The following RYR1 variants were observed in gnomAD, a reference collection of about 807,000 sequenced individuals.
RYR1 encodes ryanodine receptor 1.
RYR1 carries 342 observed loss-of-function variants against 583.5 expected under a neutral mutation model. The observed-to-expected ratio is 0.59, with a 90% confidence interval of 0.54 to 0.64. The LOEUF is 0.64. Ranked by LOEUF, RYR1 falls within the 30% of genes least tolerant of loss-of-function variation. RYR1 has a pLI of 0.00. For missense variants in RYR1, 6,032 were observed against 6,917.2 expected (o/e 0.87, Z 4.54); for synonymous variants, 2,791 against 2,822.5 (o/e 0.99, Z 0.35).
chr19:38,519,046 G>T (rs575942650), intron 66 of RYR1, among the ~76,000 whole-genome samples, 168 bp from the exon 67 acceptor site: 3 of 152,102 alleles, frequency 2.0e-5, no homozygotes, highest in African/African-American at 7.2e-5. Context: ...CAGGTTAGGG[G>T]CTATGGCTGG....
chr19:38,534,928 G>C, intron 79 of RYR1, 109 bp downstream of exon 79: 1 of 1,267,176 alleles, frequency 7.9e-7, no homozygotes, highest in African/African-American at 1.5e-5. Flanking sequence ...AATGCCTGTG[G>C]TTTGCACGCA....
chr19:38,473,283 G>C, intron 27 of RYR1, 94 bp from the exon 28 acceptor site: 7 of 1,475,530 alleles, frequency 4.7e-6, no homozygotes, highest in Non-Finnish European at 6.6e-6. Context: ...GTGCACTATG[G>C]CCTAATGGTG....
chr19:38,476,950 C>T (rs1439558635), intron 29 of RYR1, among the ~76,000 whole-genome samples: 1 of 151,930 alleles, frequency 6.6e-6, no homozygotes, highest in Non-Finnish European at 1.5e-5. Context: ...GAGAGGATCA[C>T]TTCAATCCAG....
At chr19:38,480,877 G>A (rs138429006) in intron 31 of RYR1, among the ~76,000 whole-genome samples, 73 of 151,700 alleles carry the variant, frequency 4.8e-4, no homozygotes, top group African/African-American at 1.4e-3. Flanking sequence ...ACAGGTGTGC[G>A]CCACCACACC....
In RYR1 at chr19:38,539,081, G is replaced by A. The variant is rs1600974155; in HGVS notation, c.11689+1121G>A. ...CACCCACTTGGTTAGTGCTCTTTAA[G>A]GTAACTGATTTGTAAATATCTTTAA... On this transcript the variant is annotated intron_variant, in intron 84 of 105. Transcript: ENST00000359596. Among the ~76,000 whole-genome samples, 4 of 152,160 alleles carry A rather than the reference G, an allele frequency of 2.6e-5. No homozygotes were observed. In the East Asian group the frequency reaches 7.7e-4, roughly 29 times the overall value.
At chr19:38,534,088 T>C (rs901587998) in intron 78 of RYR1, among the ~76,000 whole-genome samples, 6 of 150,112 alleles carry the variant, frequency 4.0e-5, no homozygotes, top group Admixed American at 2.0e-4. Flanking sequence ...CTCAGCTCAC[T>C]GCAACCTCCA....
intron 3 of RYR1, 38 bp downstream of exon 3, chr19:38,442,491 A>G (rs1349834161): frequency 2.0e-6 from 3 of 1,519,522 alleles, no homozygotes; most frequent in African/African-American, 1.4e-5. Context: ...GGTGGCAGAG[A>G]TGGGCGAGAG....
At position 38,525,401 on chromosome 19, in the gene RYR1, C is replaced by G; in HGVS notation, c.10525C>G (p.Leu3509Val). 6.2e-7 allele frequency: 1 copy of G among 1,614,036 alleles called. No homozygotes were observed. ...GGACCGGTACTCTGTGCAGACGTCACTGATCGTGGCCACACTGAAGAAGAT... is the reference window on the plus strand; with the variant it reads ...GGACCGGTACTCTGTGCAGACGTCAGTGATCGTGGCCACACTGAAGAAGAT... ...RGDRYSVQTS[L>V]IVATLKKMLP... Residue 3509 changes from leucine to valine, a missense_variant, in exon 71 of 106, where the codon CTG becomes GTG. Physicochemically the swap from Leu to Val is conservative, Grantham distance 32. Transcript: ENST00000359596.
rs762205744 is a variant in RYR1, at chr19:38,485,908, G to A, written c.5253G>A (p.Arg1751=). ...CCATCACGCTCTTCCCTCCTGGAAGGAGCACAGAAAATGGTCACCCCCGGC... is the reference window on the plus strand; with the variant it reads ...CCATCACGCTCTTCCCTCCTGGAAGAAGCACAGAAAATGGTCACCCCCGGC... ...TRAITLFPPG[R]STENGHPRHG... Residue 1751 remains arginine, a synonymous_variant, in exon 34 of 106, where the codon AGG becomes AGA. Transcript: ENST00000359596. 1.9e-6 allele frequency: 3 copies of A among 1,613,722 alleles called. No homozygotes were observed. The highest frequency in any genetic ancestry group is 2.5e-6 in the Non-Finnish European group (3 of 1,179,974).
chr19:38,514,173 T>C (rs1970848411), intron 63 of RYR1, among the ~76,000 whole-genome samples: 1 of 152,018 alleles, frequency 6.6e-6, no homozygotes, highest in Non-Finnish European at 1.5e-5. Flanking sequence ...CTCGCACCTG[T>C]AATCCCAGCA....
At chr19:38,492,043 A>G (rs1192107601) in intron 37 of RYR1, among the ~76,000 whole-genome samples, 1 of 152,212 alleles carries the variant, frequency 6.6e-6, no homozygotes, top group African/African-American at 2.4e-5. Context: ...AGAATGAATA[A>G]ATGAACAAAT....
At chr19:38,546,801 A>C (rs1194707106) in intron 88 of RYR1, among the ~76,000 whole-genome samples, 1 of 148,760 alleles carries the variant, frequency 6.7e-6, no homozygotes, top group Non-Finnish European at 1.5e-5. Flanking sequence ...AAAATACAAA[A>C]ATTAGCCTAG....
At chr19:38,520,973 G>T (rs1287359022) in intron 67 of RYR1, among the ~76,000 whole-genome samples, 1 of 152,062 alleles carries the variant, frequency 6.6e-6, no homozygotes, top group Non-Finnish European at 1.5e-5. Flanking sequence ...ATGTTCACGA[G>T]CAGATAAGAA....
intron 101 of RYR1, among the ~76,000 whole-genome samples, chr19:38,581,324 G>A (rs562495837): frequency 8.5e-5 from 13 of 152,152 alleles, no homozygotes; most frequent in East Asian, 3.9e-4. Context: ...TGATCCGCCC[G>A]CCTGGGCCTC....
At chr19:38,554,493 A>G (rs1972800732) in intron 89 of RYR1, among the ~76,000 whole-genome samples, 1 of 150,928 alleles carries the variant, frequency 6.6e-6, no homozygotes, top group South Asian at 2.1e-4. Context: ...TAATTTCCCA[A>G]GTTCTTCATG....
intron 101 of RYR1, among the ~76,000 whole-genome samples, chr19:38,582,171 G>A (rs1974244588): frequency 1.3e-5 from 2 of 152,116 alleles, no homozygotes; most frequent in African/African-American, 4.8e-5. Context: ...GCTGAGGGGG[G>A]CAGATTACCT....
intron 67 of RYR1, among the ~76,000 whole-genome samples, 191 bp downstream of exon 67, chr19:38,519,645 G>A (rs370700795): frequency 6.6e-6 from 1 of 152,054 alleles, no homozygotes; most frequent in East Asian, 1.9e-4. Context: ...CCACTTGTTT[G>A]TTTCTTTTTG....
intron 1 of RYR1, among the ~76,000 whole-genome samples, chr19:38,438,026 C>T (rs1189974638): frequency 6.6e-6 from 1 of 151,534 alleles, no homozygotes; most frequent in Non-Finnish European, 1.5e-5. Context: ...GGGGCCCATG[C>T]AAGTATCTCT....
Position 38,502,876 on chromosome 19 carries a change from G to A in RYR1, c.7836-4G>A, listed in dbSNP as rs753908322. 5 of 1,610,090 alleles carry A rather than the reference G, an allele frequency of 3.1e-6. No individual in the cohort carries two copies. The highest frequency in any genetic ancestry group is 1.1e-5 in the South Asian group (1 of 91,040). ...GATTCTACATCTTGTGCATTGTCCC[G>A]CAGGTACATCCGCCCGTCGATGCTG... On this transcript the variant is annotated splice_region_variant and splice_polypyrimidine_tract_variant and intron_variant, in intron 48 of 105. Coordinates refer to ENST00000359596, the MANE Select transcript of RYR1 (RefSeq NM_000540.3).
Sources: gnomAD v4.1 joint callset for allele counts (sites outside exome capture counted in the v4.1 genomes callset) on GRCh38, gnomAD v4.1.1 for gene constraint, MANE v1.5 for transcripts, NCBI Gene and HGNC (gene_info 2026-07-23, HGNC 2026-07-21) for gene names.